LPAR1: variants seen among roughly 807,000 people sequenced by gnomAD.
LPAR1 encodes LPA receptor 1.
Under a neutral mutation model 23.8 loss-of-function variants are expected in LPAR1, and 5 were observed. That is an observed-to-expected ratio of 0.21 (90% CI 0.11 to 0.44). LPAR1 has a LOEUF of 0.44. Among genes scored for constraint, LPAR1 ranks in the 20% least tolerant of loss-of-function variants. LPAR1 has a pLI of 0.99. For synonymous variants in LPAR1, 160 were observed against 164.7 expected (o/e 0.97, Z 0.22); for missense variants, 311 against 482.8 (o/e 0.64, Z 3.33).
chr9:110,992,317 T>C (rs1431851024), intron 2 of LPAR1, among the ~76,000 whole-genome samples: 3 of 152,094 alleles, frequency 2.0e-5, no homozygotes, highest in Non-Finnish European at 2.9e-5. Context: ...TACATGACTA[T>C]TAGAATGGAT....
At chr9:110,924,238 C>CAAAAAA (rs10695949) in intron 5 of LPAR1, among the ~76,000 whole-genome samples, 1 of 144,034 alleles carries the variant, frequency 6.9e-6, no homozygotes, top group Non-Finnish European at 1.5e-5. Context: ...ATTATAATAG[C>CAAAAAA]AAAAAAAAAA....
intron 5 of LPAR1, among the ~76,000 whole-genome samples, chr9:110,939,123 C>G (rs1338158358): frequency 6.6e-6 from 1 of 152,138 alleles, no homozygotes; most frequent in East Asian, 1.9e-4. Context: ...ACAAGACCAA[C>G]CCATGTCTCC....
chr9:111,012,758 AAAAAACT>A (rs2097357999), intron 2 of LPAR1, among the ~76,000 whole-genome samples: 1 of 152,144 alleles, frequency 6.6e-6, no homozygotes, highest in African/African-American at 2.4e-5. Flanking sequence ...GGTTGGTGGT[AAAAAACT>A]AAGAAACTGT....
chr9:111,018,476 T>C (rs1240639255), intron 2 of LPAR1, among the ~76,000 whole-genome samples: 1 of 152,216 alleles, frequency 6.6e-6, no homozygotes, highest in Non-Finnish European at 1.5e-5. Context: ...TAACAGTAGC[T>C]GAATGGAATT....
intron 5 of LPAR1, among the ~76,000 whole-genome samples, chr9:110,925,851 T>G (rs557609271): frequency 2.6e-5 from 4 of 152,338 alleles, no homozygotes; most frequent in African/African-American, 9.6e-5. Context: ...TAGATGGGAA[T>G]AGAAGCTCAG....
At chr9:110,987,496 G>T (rs1380723572) in intron 2 of LPAR1, among the ~76,000 whole-genome samples, 2 of 151,392 alleles carry the variant, frequency 1.3e-5, no homozygotes, top group Non-Finnish European at 2.9e-5. Context: ...TCCAAATTTG[G>T]GGGGAGACTG....
chr9:110,971,421 G>C (rs2096415253), intron 4 of LPAR1, among the ~76,000 whole-genome samples: 1 of 152,142 alleles, frequency 6.6e-6, no homozygotes, highest in Admixed American at 6.5e-5. Flanking sequence ...TGACTCCAAA[G>C]TCTGTTTCCA....
chr9:111,010,835 C>CTCCT (rs1265749047), intron 2 of LPAR1, among the ~76,000 whole-genome samples: 1 of 152,196 alleles, frequency 6.6e-6, no homozygotes, highest in Non-Finnish European at 1.5e-5. Context: ...GACTTCCCTT[C>CTCCT]TCCTTCCAGA....
intron 3 of LPAR1, among the ~76,000 whole-genome samples, chr9:110,972,949 AAAAAAG>A (rs924058967): frequency 3.1e-4 from 47 of 152,216 alleles, no homozygotes; most frequent in African/African-American, 9.4e-4. Context: ...TCCTTCTCAA[AAAAAAG>A]AAAAAGAAAA....
intron 2 of LPAR1, among the ~76,000 whole-genome samples, chr9:111,009,004 A>G (rs896751244): frequency 2.0e-5 from 3 of 152,200 alleles, no homozygotes; most frequent in Admixed American, 6.6e-5. Context: ...TACAAGAGTC[A>G]TCAAAAAGAA....
chr9:110,978,353 G>C (rs963029683), intron 2 of LPAR1, among the ~76,000 whole-genome samples: 1 of 152,160 alleles, frequency 6.6e-6, no homozygotes, highest in Non-Finnish European at 1.5e-5. Flanking sequence ...GAGGTAGCTG[G>C]GGGAAGCTAC....
At chr9:111,024,375 A>C (rs1564370141) in intron 2 of LPAR1, among the ~76,000 whole-genome samples, 2 of 148,542 alleles carry the variant, frequency 1.3e-5, no homozygotes, top group Non-Finnish European at 3.0e-5. Flanking sequence ...CATCATATAT[A>C]TACATATTTT....
At chr9:110,974,549 T>C (rs2138439135) in intron 2 of LPAR1, among the ~76,000 whole-genome samples, 1 of 152,354 alleles carries the variant, frequency 6.6e-6, no homozygotes, top group African/African-American at 2.4e-5. Context: ...ACAGTTTCAA[T>C]CACTTTAGGT....
In LPAR1 at chr9:110,947,649, T is replaced by C. The variant is rs538616557; in HGVS notation, c.46-5481A>G. On this transcript the variant is annotated intron_variant, in intron 4 of 5. Coordinates refer to ENST00000683809, the MANE Select transcript of LPAR1 (RefSeq NM_001351411.2). Reference sequence around the variant, plus strand: ...CGTTTATAGGATACCAGGTTGGGCATGGCACTGCATTATGCCTTCTAGGAG... The same window carrying C: ...CGTTTATAGGATACCAGGTTGGGCACGGCACTGCATTATGCCTTCTAGGAG... Among the ~76,000 whole-genome samples, 190 of 152,260 alleles carry C rather than the reference T, an allele frequency of 1.2e-3. 1 individual carries two copies. Among genetic ancestry groups the C allele is most frequent in the Non-Finnish European group, 2.4e-3 (163 of 68,044 alleles).
chr9:110,945,532 T>C lies in LPAR1; in HGVS notation c.46-3364A>G, dbSNP rs1421307365. 2.6e-5 allele frequency: 4 copies of C among 152,300 alleles called. No individual in the cohort carries two copies. The East Asian group carries it at 7.7e-4, about 29-fold the overall frequency. 9.4% of individuals were successfully genotyped at this position (152,300 alleles called of 1,614,324 possible). A position where few individuals can be genotyped will look rare whatever the true frequency, so the allele number is the denominator to read the frequency against. Reference sequence around the variant, plus strand: ...GTAACATTGAAAATAGAACAAGCCATTATGAAGACAAAAGAAATCAGTAAA... The same window carrying C: ...GTAACATTGAAAATAGAACAAGCCACTATGAAGACAAAAGAAATCAGTAAA... On this transcript the variant is annotated intron_variant, in intron 4 of 5. Transcript: ENST00000683809.
intron 4 of LPAR1, among the ~76,000 whole-genome samples, chr9:110,950,454 G>A (rs1233311703): frequency 9.2e-6 from 1 of 108,252 alleles, no homozygotes; most frequent in Non-Finnish European, 1.7e-5. Flanking sequence ...GACACAGTAA[G>A]ACTCTGTCTA....
At chr9:110,920,215 G>T (rs889910340) in intron 5 of LPAR1, among the ~76,000 whole-genome samples, 7 of 152,182 alleles carry the variant, frequency 4.6e-5, no homozygotes, top group Admixed American at 2.0e-4. Flanking sequence ...TGGGTGGAAG[G>T]TTTAGGCATC....
At chr9:110,996,715 G>C (rs957853812) in intron 2 of LPAR1, among the ~76,000 whole-genome samples, 2 of 152,274 alleles carry the variant, frequency 1.3e-5, no homozygotes, top group Middle Eastern at 3.4e-3. Context: ...TACAGTGCTG[G>C]GGGCAAGGGA....
At chr9:111,022,534 C>A (rs1379956136) in intron 2 of LPAR1, among the ~76,000 whole-genome samples, 1 of 152,100 alleles carries the variant, frequency 6.6e-6, no homozygotes, top group East Asian at 1.9e-4. Flanking sequence ...ATAATTCTTA[C>A]CATTATATTC....
Sources: gnomAD v4.1 joint callset for allele counts (sites outside exome capture counted in the v4.1 genomes callset) on GRCh38, gnomAD v4.1.1 for gene constraint, MANE v1.5 for transcripts, NCBI Gene and HGNC (gene_info 2026-07-23, HGNC 2026-07-21) for gene names.